Variants in ASB3 observed in about 807,000 individuals in gnomAD.
The protein encoded by ASB3 is ankyrin repeat and SOCS box containing 3.
ASB3 carries 41 observed loss-of-function variants against 54.5 expected under a neutral mutation model. That is an observed-to-expected ratio of 0.75 (90% CI 0.59 to 0.98). The LOEUF (loss-of-function observed/expected upper bound fraction) is 0.98, where lower values mean the gene tolerates loss of function less well. Ranked by LOEUF, ASB3 falls within the 50% of genes least tolerant of loss-of-function variation. ASB3 has a pLI of 0.00. For synonymous variants in ASB3, 266 were observed against 221.2 expected, an observed-to-expected ratio of 1.20 and a Z score of -1.80; for missense variants, 733 against 620.0, an observed-to-expected ratio of 1.18 and a Z score of -1.94.
At chr2:53,702,118 C>T (rs1435738620) in intron 7 of ASB3, among the ~76,000 whole-genome samples, 2 of 152,182 alleles carry the variant, frequency 1.3e-5, no homozygotes, top group African/African-American at 2.4e-5. Context: ...AGAAAATCAG[C>T]TCTAAACCTC....
chr2:53,670,863 G>A (rs962612298), intron 9 of ASB3, among the ~76,000 whole-genome samples, 173 bp from the exon 10 acceptor site: 9 of 152,088 alleles, frequency 5.9e-5, no homozygotes, highest in African/African-American at 2.2e-4. Flanking sequence ...CTTTTCTACA[G>A]CCTTCAACTG....
At chr2:53,690,654 C>T (rs1668865233) in intron 9 of ASB3, among the ~76,000 whole-genome samples, 1 of 152,098 alleles carries the variant, frequency 6.6e-6, no homozygotes, top group South Asian at 2.1e-4. Context: ...GTATCAAATT[C>T]CCATTGCTAC....
In ASB3 at chr2:53,771,243, G is replaced by A. The variant is rs181937592; in HGVS notation, c.-13-5658C>T. Among the ~76,000 whole-genome samples the A allele has an allele frequency of 1.3e-4, 20 of 152,244 alleles. No individual in the cohort carries two copies. The East Asian group carries it at 1.9e-3, about 15-fold the overall frequency. On this transcript the variant is annotated intron_variant, in intron 1 of 9. Coordinates refer to ENST00000263634, the MANE Select transcript of ASB3 (RefSeq NM_016115.5). ...CCTAATAAAACTATAGGCCGGGTGC[G>A]GTGGCTCACGCCTGTAATCCCAGCA...
intron 3 of ASB3, among the ~76,000 whole-genome samples, chr2:53,734,039 G>T (rs546263297): frequency 6.6e-6 from 1 of 152,224 alleles, no homozygotes; most frequent in Non-Finnish European, 1.5e-5. Flanking sequence ...TGTGGTTTAA[G>T]AACACCTTTA....
At chr2:53,719,468 C>T (rs1242729932) in intron 5 of ASB3, among the ~76,000 whole-genome samples, 2 of 152,182 alleles carry the variant, frequency 1.3e-5, no homozygotes. Flanking sequence ...CATCTCCGAC[C>T]AGGAACATGC....
intron 5 of ASB3, among the ~76,000 whole-genome samples, chr2:53,717,721 G>T (rs888558018): frequency 6.6e-6 from 1 of 151,992 alleles, no homozygotes; most frequent in African/African-American, 2.4e-5. Context: ...GACAGATAAA[G>T]AATTCAAAGC....
chr2:53,729,594 T>C, intron 3 of ASB3, 24 bp from the exon 4 acceptor site: 8 of 1,608,100 alleles, frequency 5.0e-6, no homozygotes, highest in Non-Finnish European at 6.8e-6. Flanking sequence ...GTTAGAAAAA[T>C]TAATGTCAGC....
rs545399769 is a variant in ASB3 at position 53,744,220 on chromosome 2, C to CA, written c.355+6562dup. On this transcript the variant is annotated intron_variant, in intron 3 of 9. Transcript: ENST00000263634. ...TGAAACCTCATCTCTACTAAAAATA[C>CA]AAAAAAAAAAAAAATTAGCCAGGCG... 3.8e-3 allele frequency among the ~76,000 whole-genome samples: 499 copies of CA among 132,358 alleles called. 1 individual carries two copies. Among genetic ancestry groups the CA allele is most frequent in the East Asian group, 0.017 (80 of 4,678 alleles). The allele number at this position is 132,358 out of a possible 152,430, so 86.8% of individuals were successfully genotyped here. A position where few individuals can be genotyped will look rare whatever the true frequency, so the allele number is the denominator to read the frequency against.
At chr2:53,745,515 C>T (rs996510327) in intron 3 of ASB3, among the ~76,000 whole-genome samples, 1 of 152,180 alleles carries the variant, frequency 6.6e-6, no homozygotes. Flanking sequence ...AACAGTGGAG[C>T]AGTCGACTTT....
chr2:53,762,976 C>T (rs546476671), intron 2 of ASB3, among the ~76,000 whole-genome samples: 1 of 152,166 alleles, frequency 6.6e-6, no homozygotes, highest in African/African-American at 2.4e-5. Flanking sequence ...TAGATATTTC[C>T]ATTTTATTTG....
chr2:53,748,860 G>A (rs1672369796), intron 3 of ASB3, among the ~76,000 whole-genome samples: 1 of 152,022 alleles, frequency 6.6e-6, no homozygotes, highest in Non-Finnish European at 1.5e-5. Context: ...TTGAATGAGG[G>A]CTGTAGACCA....
At chr2:53,695,594 G>A (rs753526819) in intron 8 of ASB3, among the ~76,000 whole-genome samples, 1 of 151,952 alleles carries the variant, frequency 6.6e-6, no homozygotes, top group Non-Finnish European at 1.5e-5. Flanking sequence ...TACATGACAA[G>A]TAAATCTGTT....
chr2:53,775,432 T>A (rs1461238763), intron 1 of ASB3, among the ~76,000 whole-genome samples: 1 of 152,088 alleles, frequency 6.6e-6, no homozygotes, highest in Non-Finnish European at 1.5e-5. Context: ...CTGGAAAGTG[T>A]AACCTCTGGC....
intron 9 of ASB3, among the ~76,000 whole-genome samples, chr2:53,677,643 G>A (rs900177746): frequency 2.6e-5 from 4 of 152,158 alleles, no homozygotes; most frequent in African/African-American, 7.2e-5. Flanking sequence ...CCAATGGTCT[G>A]TGACTTTTTG....
At chr2:53,739,190 ATATCT>A (rs1671800031) in intron 3 of ASB3, among the ~76,000 whole-genome samples, 1 of 152,226 alleles carries the variant, frequency 6.6e-6, no homozygotes, top group Non-Finnish European at 1.5e-5. Context: ...CTGGAAAAAC[ATATCT>A]TAGGTAACAA....
intron 3 of ASB3, among the ~76,000 whole-genome samples, chr2:53,742,171 G>A (rs568299043): frequency 2.6e-5 from 4 of 152,242 alleles, no homozygotes; most frequent in Admixed American, 1.3e-4. Context: ...AAACTGTATT[G>A]CAAAAATCCC....
At chr2:53,746,480 TTTTTC>T (rs1221233744) in intron 3 of ASB3, among the ~76,000 whole-genome samples, 1 of 144,890 alleles carries the variant, frequency 6.9e-6, no homozygotes, top group Non-Finnish European at 1.5e-5. Context: ...TTTGGGGGGT[TTTTTC>T]TTTTTTTTTT....
intron 2 of ASB3, 110 bp from the exon 3 acceptor site, chr2:53,751,051 T>A: frequency 8.0e-7 from 1 of 1,254,464 alleles, no homozygotes. Flanking sequence ...GTAAGTAATG[T>A]ATAAATGACA....
intron 3 of ASB3, among the ~76,000 whole-genome samples, chr2:53,732,637 G>C (rs1671384587): frequency 6.6e-6 from 1 of 152,118 alleles, no homozygotes; most frequent in Admixed American, 6.5e-5. Context: ...TATGATGCAA[G>C]TTATGTTTTC....
Sources: allele counts gnomAD v4.1 joint callset (sites outside exome capture counted in the v4.1 genomes callset), GRCh38; gene constraint gnomAD v4.1.1; transcripts MANE v1.5; gene names NCBI Gene and HGNC (gene_info 2026-07-23, HGNC 2026-07-21).